Variants in LNX2 observed in about 807,000 individuals in gnomAD.
LNX2 encodes ligand of numb-protein X 2.
LNX2 carries 35 observed loss-of-function variants against 66.2 expected under a neutral mutation model. The ratio of observed to expected loss-of-function variants is 0.53; its 90% confidence interval spans 0.40 to 0.70. The LOEUF (loss-of-function observed/expected upper bound fraction) is 0.70, where lower values mean the gene tolerates loss of function less well. Ranked by LOEUF, LNX2 falls within the 30% of genes least tolerant of loss-of-function variation. The pLI, the probability that LNX2 is intolerant of heterozygous loss-of-function variation, is 0.00. For missense variants in LNX2, 791 were observed against 850.8 expected, an observed-to-expected ratio of 0.93 and a Z score of 0.87; for synonymous variants, 337 against 315.6, an observed-to-expected ratio of 1.07 and a Z score of -0.72.
At chr13:27,578,720 T>A (rs1297558139) in intron 2 of LNX2, among the ~76,000 whole-genome samples, 1 of 152,196 alleles carries the variant, frequency 6.6e-6, no homozygotes. Flanking sequence ...CCCACGCACC[T>A]AGTCATTCCC....
At chr13:27,593,504 C>T (rs1342017202) in intron 1 of LNX2, among the ~76,000 whole-genome samples, 1 of 150,894 alleles carries the variant, frequency 6.6e-6, no homozygotes, top group East Asian at 2.0e-4. Flanking sequence ...CCTCATACTA[C>T]TTTATCTCTC....
rs1955436770 is a variant in LNX2 at position 27,583,245 on chromosome 13, TGTGTGTGTGTGC to T, written c.-100-1454_-100-1443del. On this transcript the variant is annotated intron_variant, in intron 1 of 9. Coordinates refer to ENST00000316334, the MANE Select transcript of LNX2 (RefSeq NM_153371.4). ...GTGTGTGTGTGTGTGTGTGTGTGTG[TGTGTGTGTGTGC>T]GCGCGTCCTCTCCAACATACTTATT... Among the ~76,000 whole-genome samples the T allele has an allele frequency of 1.2e-4, 4 of 32,220 alleles. 1 individual carries two copies. The highest frequency in any genetic ancestry group is 6.4e-4 in the African/African-American group (3 of 4,678). The allele number at this position is 32,220 out of a possible 152,430, so 21.1% of individuals were successfully genotyped here. A position where few individuals can be genotyped will look rare whatever the true frequency, so the allele number is the denominator to read the frequency against.
Position 27,562,490 on chromosome 13 carries a change from T to C in LNX2, c.1147A>G (p.Ser383Gly). ...TTGATGGCCAGCACTCGGTCATTGC[T>C]GCTTAGCCTGCCGTCCTGGGCAGCC... ...GLAAQDGRLS[S>G]NDRVLAINGH... Residue 383 changes from serine (S) to glycine (G), a missense_variant, in exon 5 of 10, where the codon AGC becomes GGC. Coordinates refer to ENST00000316334, the MANE Select transcript of LNX2 (RefSeq NM_153371.4). 1.2e-6 allele frequency: 2 copies of C among 1,614,208 alleles called. No individual in the cohort carries two copies. Among genetic ancestry groups the C allele is most frequent in the Non-Finnish European group, 1.7e-6 (2 of 1,180,028 alleles).
intron 1 of LNX2, among the ~76,000 whole-genome samples, chr13:27,616,979 G>A (rs1955834805): frequency 6.6e-6 from 1 of 152,132 alleles, no homozygotes; most frequent in Non-Finnish European, 1.5e-5. Context: ...TTGAACTCCT[G>A]ACCTCGTGAT....
rs56812051 is a variant in LNX2 at position 27,588,021 on chromosome 13, C to CAAAAAAAAAAAAA, written c.-100-6231_-100-6219dup. ...GGGCAAGAGTGCGAGACTCTTGTCACAAAAAAAAAAAAAAAAAAAAAAAAA... is the reference window on the plus strand; with the variant it reads ...GGGCAAGAGTGCGAGACTCTTGTCACAAAAAAAAAAAAAAAAAAAAAAAAAAAAAAAAAAAAAA... On this transcript the variant is annotated intron_variant, in intron 1 of 9. Transcript: ENST00000316334. 1.7e-3 allele frequency among the ~76,000 whole-genome samples: 157 copies of CAAAAAAAAAAAAA among 93,500 alleles called. 7 individuals carry two copies. Among genetic ancestry groups the CAAAAAAAAAAAAA allele is most frequent in the Non-Finnish European group, 2.2e-3 (102 of 45,530 alleles). 61.3% of individuals were successfully genotyped at this position (93,500 alleles called of 152,430 possible). A position where few individuals can be genotyped will look rare whatever the true frequency, so the allele number is the denominator to read the frequency against.
chr13:27,594,807 C>T (rs1955579716), intron 1 of LNX2, among the ~76,000 whole-genome samples: 1 of 152,158 alleles, frequency 6.6e-6, no homozygotes, highest in South Asian at 2.1e-4. Flanking sequence ...CCAAGTTCCC[C>T]TCGATTCCAC....
chr13:27,598,541 A>C (rs760605512), intron 1 of LNX2, among the ~76,000 whole-genome samples: 1 of 152,180 alleles, frequency 6.6e-6, no homozygotes, highest in Non-Finnish European at 1.5e-5. Flanking sequence ...TATCAGGCAT[A>C]GTGTCAACTG....
chr13:27,608,754 C>T (rs1301228288), intron 1 of LNX2, among the ~76,000 whole-genome samples: 1 of 151,144 alleles, frequency 6.6e-6, no homozygotes, highest in Non-Finnish European at 1.5e-5. Flanking sequence ...GAAAGATATC[C>T]TTCCATAAAT....
At chr13:27,591,107 T>C (rs1160053386) in intron 1 of LNX2, among the ~76,000 whole-genome samples, 1 of 152,198 alleles carries the variant, frequency 6.6e-6, no homozygotes, top group Non-Finnish European at 1.5e-5. Flanking sequence ...CCAGACTAAA[T>C]AGACAATGGC....
chr13:27,573,512 C>T (rs79862612), intron 2 of LNX2, among the ~76,000 whole-genome samples: 2,967 of 151,704 alleles, frequency 0.02, 40 homozygotes, highest in East Asian at 0.054. Flanking sequence ...ACAAGGCTAA[C>T]CAGAATGTTT....
At position 27,620,496 on chromosome 13, in the gene LNX2, T is replaced by TCGTCGC. The variant is rs1955889463; in HGVS notation, c.-223_-222insGCGACG. 1 of 170,954 alleles carries TCGTCGC rather than the reference T, an allele frequency of 5.8e-6. No individual in the cohort carries two copies. Among genetic ancestry groups the TCGTCGC allele is most frequent in the South Asian group, 1.5e-4 (1 of 6,800 alleles). 10.6% of individuals were successfully genotyped at this position (170,954 alleles called of 1,614,324 possible). A position where few individuals can be genotyped will look rare whatever the true frequency, so the allele number is the denominator to read the frequency against. Reference sequence around the variant, plus strand: ...CTGCCCGGCTCCGCTCCGCCAGGAATCGCCGCCGCCGCCGCCGCCGCCGCG... The same window carrying TCGTCGC: ...CTGCCCGGCTCCGCTCCGCCAGGAATCGTCGCCGCCGCCGCCGCCGCCGCCGCCGCG... On this transcript the variant is annotated 5_prime_UTR_variant, in exon 1 of 10. Coordinates refer to ENST00000316334, the MANE Select transcript of LNX2 (RefSeq NM_153371.4).
chr13:27,617,290 T>C (rs1287737618), intron 1 of LNX2, among the ~76,000 whole-genome samples: 1 of 152,204 alleles, frequency 6.6e-6, no homozygotes, highest in African/African-American at 2.4e-5. Context: ...AAGATACATA[T>C]GTATTACTTT....
At chr13:27,588,916 A>G (rs1593256093) in intron 1 of LNX2, among the ~76,000 whole-genome samples, 1 of 152,304 alleles carries the variant, frequency 6.6e-6, no homozygotes, top group East Asian at 1.9e-4. Context: ...GGAGTCTCAT[A>G]TATGTTTCTG....
intron 1 of LNX2, among the ~76,000 whole-genome samples, chr13:27,617,995 A>G (rs1167405941): frequency 6.6e-6 from 1 of 152,202 alleles, no homozygotes; most frequent in Non-Finnish European, 1.5e-5. Flanking sequence ...CTCAAACCCT[A>G]CTCAACAGGT....
At chr13:27,573,337 C>CTA (rs1955305341) in intron 2 of LNX2, among the ~76,000 whole-genome samples, 1 of 151,926 alleles carries the variant, frequency 6.6e-6, no homozygotes, top group African/African-American at 2.4e-5. Flanking sequence ...TTTTTTCCCC[C>CTA]TATACTTGTT....
intron 1 of LNX2, among the ~76,000 whole-genome samples, chr13:27,583,114 A>C (rs544512515): frequency 1.3e-5 from 2 of 150,070 alleles, no homozygotes; most frequent in East Asian, 4.0e-4. Flanking sequence ...TATACATTTC[A>C]ATTTCACCTC....
rs1566124775 is a variant in LNX2, at chr13:27,583,229, T to TCCTCTCCTATATAA, written c.-100-1427_-100-1426insTTATATAGGAGAGG. ...GTGTGTGTGTGTGTGTGTGTGTGTG[T>TCCTCTCCTATATAA]GTGTGTGTGTGTGTGTGTGTGTGTG... On this transcript the variant is annotated intron_variant, in intron 1 of 9. Coordinates refer to ENST00000316334, the MANE Select transcript of LNX2 (RefSeq NM_153371.4). 7.1e-4 allele frequency among the ~76,000 whole-genome samples: 14 copies of TCCTCTCCTATATAA among 19,644 alleles called. 4 individuals are homozygous for TCCTCTCCTATATAA. The highest frequency in any genetic ancestry group is 2.7e-3 in the African/African-American group (14 of 5,194). The allele number at this position is 19,644 out of a possible 152,430, so 12.9% of individuals were successfully genotyped here. A position where few individuals can be genotyped will look rare whatever the true frequency, so the allele number is the denominator to read the frequency against.
At chr13:27,586,268 A>T (rs1370494466) in intron 1 of LNX2, among the ~76,000 whole-genome samples, 1 of 152,180 alleles carries the variant, frequency 6.6e-6, no homozygotes, top group Non-Finnish European at 1.5e-5. Context: ...TTACTTAGTA[A>T]GAAAGAAGGA....
At chr13:27,604,661 CATTTA>C (rs1955695116) in intron 1 of LNX2, among the ~76,000 whole-genome samples, 1 of 151,898 alleles carries the variant, frequency 6.6e-6, no homozygotes, top group Admixed American at 6.5e-5. Context: ...AATGTTCTAC[CATTTA>C]ATTATTTTAT....
Sources: gnomAD v4.1 joint callset for allele counts (sites outside exome capture counted in the v4.1 genomes callset) on GRCh38, gnomAD v4.1.1 for gene constraint, MANE v1.5 for transcripts, NCBI Gene and HGNC (gene_info 2026-07-23, HGNC 2026-07-21) for gene names.